The following UPF3B variants were observed in gnomAD, a reference collection of about 807,000 sequenced individuals.
The protein encoded by UPF3B is UPF3B regulator of nonsense mediated mRNA decay, also known as regulator of nonsense transcripts 3B.
UPF3B carries 7 observed loss-of-function variants against 40.3 expected under a neutral mutation model. The ratio of observed to expected loss-of-function variants is 0.17; its 90% confidence interval spans 0.10 to 0.33. The LOEUF is 0.33. UPF3B is among the 10% of genes least tolerant of loss of function. The probability of loss-of-function intolerance (pLI) is 1.00; values close to 1 mark genes in which losing one functional copy is unlikely to be tolerated. For missense variants in UPF3B, 229 were observed against 358.9 expected, an observed-to-expected ratio of 0.64 and a Z score of 2.93; for synonymous variants, 117 against 117.3, an observed-to-expected ratio of 1.00 and a Z score of 0.01.
At position 119,837,101 on chromosome X, in the gene UPF3B, A is replaced by G. The variant is rs557783718; in HGVS notation, c.1302+656T>C. The stretch of plus-strand genomic sequence containing the variant: ...TGAGATTACAGGTGTGCGCCACCAC[A>G]TCCAGCCGATTTTTTGTATTTTTAG... On this transcript the variant is annotated intron_variant, in intron 10 of 10. Transcript: ENST00000276201. 4.7e-4 allele frequency among the ~76,000 whole-genome samples: 49 copies of G among 104,366 alleles called. 2 individuals carry two copies. In the South Asian group the frequency reaches 0.022, roughly 47 times the overall value. 90.6% of individuals were successfully genotyped at this position (104,366 alleles called of 115,157 possible).
chrX:119,825,059 G>A (rs1017111182), intron 3 of UPF3B, among the ~76,000 whole-genome samples: 9 of 110,849 alleles, frequency 8.1e-5, no homozygotes, highest in Non-Finnish European at 1.3e-4. Flanking sequence ...GAGTCACTGC[G>A]CCCAGCCGTA....
chrX:119,827,533 G>A (rs1306514713), intron 3 of UPF3B, among the ~76,000 whole-genome samples: 1 of 110,313 alleles, frequency 9.1e-6, no homozygotes, highest in East Asian at 2.8e-4. Context: ...TGAGTAGCTG[G>A]GACTACAGGT....
downstream of UPF3B, among the ~76,000 whole-genome samples, chrX:119,830,741 CAAA>C (rs1212201382): frequency 2.4e-5 from 2 of 82,632 alleles, no homozygotes; most frequent in Admixed American, 1.4e-4. Flanking sequence ...TACTGTGTCT[CAAA>C]AAAAAAAAAA....
rs1436206710 is a variant in UPF3B, at chrX:119,834,650, C to G, written c.*228G>C. ...TCCTTGCCGTCACCTTTTTCTGACA[C>G]TTTAAAATTAATTTGTAGAAATTGC... On this transcript the variant is annotated 3_prime_UTR_variant, in exon 11 of 11. Transcript: ENST00000276201. 1 of 1,066,048 alleles carries G rather than the reference C, an allele frequency of 9.4e-7. No individual in the cohort carries two copies. Among genetic ancestry groups the G allele is most frequent in the African/African-American group, 1.9e-5 (1 of 52,914 alleles). 87.9% of individuals were successfully genotyped at this position (1,066,048 alleles called of 1,213,427 possible).
Position 119,837,987 on chromosome X carries a change from G to A in UPF3B, c.1072C>T (p.Arg358Cys), listed in dbSNP as rs139646537. 278 of 1,208,282 alleles carry A rather than the reference G, an allele frequency of 2.3e-4. 1 individual carries two copies. The highest frequency in any genetic ancestry group is 1.4e-4 in the South Asian group (8 of 56,636). ...AGCCTCTCTCTTTCTCGAAGTATGC[G>A]CTCCTGATCTCGTTCATATTCCCGT... is the stretch of plus-strand genomic sequence containing the variant. ...REREYERDQERILRERERLKR... is the reference protein window; with the variant it reads ...REREYERDQECILRERERLKR... Residue 358 changes from arginine (R) to cysteine (C), a missense_variant, in exon 10 of 11, where the codon CGC becomes TGC. This residue lies in a region of UPF3B where 119 missense variants were observed against 153.8 expected (regional missense o/e 0.77). Transcript: ENST00000276201.
intron 4 of UPF3B, among the ~76,000 whole-genome samples, chrX:119,821,661 G>A (rs2055920431): frequency 1.8e-5 from 2 of 110,738 alleles, no homozygotes; most frequent in South Asian, 3.8e-4. Context: ...AACCAGGCGC[G>A]GTGGCAGGTG....
At chrX:119,814,529 A>G (rs921223227) in intron 5 of UPF3B, among the ~76,000 whole-genome samples, 1 of 112,202 alleles carries the variant, frequency 8.9e-6, no homozygotes, top group Non-Finnish European at 1.9e-5. Flanking sequence ...AGTTATCATC[A>G]ACAATTCAGT....
intron 3 of UPF3B, 34 bp from the exon 4 acceptor site, chrX:119,845,330 C>A (rs1211657753): frequency 9.1e-7 from 1 of 1,098,621 alleles, no homozygotes; most frequent in East Asian, 3.0e-5. Context: ...CTTGCTATAA[C>A]AAAGAAAATG....
chrX:119,851,035 A>G (rs2056297431), intron 3 of UPF3B, among the ~76,000 whole-genome samples: 1 of 112,758 alleles, frequency 8.9e-6, no homozygotes, highest in Non-Finnish European at 1.9e-5. Context: ...CCACCACACC[A>G]GGCCGAGATG....
intron 6 of UPF3B, among the ~76,000 whole-genome samples, chrX:119,806,862 C>T (rs1382112578): frequency 9.2e-6 from 1 of 108,167 alleles, no homozygotes; most frequent in African/African-American, 3.4e-5. Flanking sequence ...AACCCCATGT[C>T]TACTAAAAAT....
At chrX:119,830,405 G>A (rs898019962), downstream of UPF3B, among the ~76,000 whole-genome samples, 10 of 110,128 alleles carry the variant, frequency 9.1e-5, no homozygotes, top group African/African-American at 1.7e-4. Context: ...CCTCCTCCCC[G>A]CACTCACTCT....
At chrX:119,838,948 T>A (rs929475490) in intron 8 of UPF3B, among the ~76,000 whole-genome samples, 14 of 111,180 alleles carry the variant, frequency 1.3e-4, no homozygotes, top group African/African-American at 3.6e-4. Flanking sequence ...GCTAATTTTT[T>A]AATTTTTTTG....
rs370082850 is a variant in UPF3B, at chrX:119,847,219, C to A, written c.371-1923G>T. 3.7e-4 allele frequency among the ~76,000 whole-genome samples: 41 copies of A among 111,670 alleles called. No homozygotes were observed. In the East Asian group the frequency reaches 7.3e-3, roughly 20 times the overall value. ...CTGCATGGAAAACAGTATGGCAGTTCCATAAAACATTAAAAATAGAATTAT... is the reference window on the plus strand; with the variant it reads ...CTGCATGGAAAACAGTATGGCAGTTACATAAAACATTAAAAATAGAATTAT... On this transcript the variant is annotated intron_variant, in intron 3 of 10. Coordinates refer to ENST00000276201, the MANE Select transcript of UPF3B (RefSeq NM_080632.3).
intron 9 of UPF3B, 45 bp from the exon 10 acceptor site, chrX:119,838,096 A>G (rs1221891978): frequency 8.4e-7 from 1 of 1,193,058 alleles, no homozygotes; most frequent in Non-Finnish European, 1.1e-6. Context: ...AAGATCTTGT[A>G]ATCACAAATG....
intron 3 of UPF3B, 71 bp downstream of exon 3, chrX:119,851,424 C>A (rs1418285152): frequency 2.7e-6 from 2 of 747,428 alleles, no homozygotes; most frequent in Non-Finnish European, 2.1e-6. Flanking sequence ...GGAAGCAACG[C>A]AATGCACGAG....
chrX:119,808,338 G>A lies in UPF3B; in HGVS notation c.603-757C>T, dbSNP rs1273828492. Among the ~76,000 whole-genome samples the A allele has an allele frequency of 2.9e-5, 3 of 105,193 alleles. No homozygotes were observed. The South Asian group carries it at 1.4e-3, about 48-fold the overall frequency. The allele number at this position is 105,193 out of a possible 115,157, so 91.3% of individuals were successfully genotyped here. On this transcript the variant is annotated intron_variant, in intron 5 of 6. Transcript: ENST00000636792. Reference sequence around the variant, plus strand: ...AAAGATGGATTTTAAAAATTGCTTCGCAGGAGGGAGGGCCCTCCTGTGGTT... The same window carrying A: ...AAAGATGGATTTTAAAAATTGCTTCACAGGAGGGAGGGCCCTCCTGTGGTT...
At chrX:119,817,097 G>GT (rs2147758099) in intron 4 of UPF3B, among the ~76,000 whole-genome samples, 1 of 111,532 alleles carries the variant, frequency 9.0e-6, no homozygotes, top group Admixed American at 9.6e-5. Flanking sequence ...AGCCTCCTGA[G>GT]TAGCTAGAAT....
intron 1 of UPF3B, 138 bp downstream of exon 1, chrX:119,852,635 C>T: frequency 2.0e-6 from 2 of 1,012,176 alleles, no homozygotes; most frequent in Non-Finnish European, 2.7e-6. Flanking sequence ...ATGGATGAAC[C>T]AGGATGATGC....
At chrX:119,811,996 G>A (rs928865845) in intron 5 of UPF3B, among the ~76,000 whole-genome samples, 26 of 111,576 alleles carry the variant, frequency 2.3e-4, no homozygotes, top group African/African-American at 7.8e-4. Context: ...GCTCATGCCT[G>A]TAATCTCAGC....
Sources: allele counts gnomAD v4.1 joint callset (sites outside exome capture counted in the v4.1 genomes callset), GRCh38; gene constraint gnomAD v4.1.1; regional missense constraint gnomAD v4.1.1; transcripts MANE v1.5; gene names NCBI Gene and HGNC (gene_info 2026-07-23, HGNC 2026-07-21).